DENND2B: variants seen among roughly 807,000 people sequenced by gnomAD.
DENND2B encodes DENN domain-containing protein 2B.
In DENND2B, 32 loss-of-function variants were observed where a neutral mutation model predicts 116.0. The ratio of observed to expected loss-of-function variants is 0.28; its 90% CI spans 0.21 to 0.37. DENND2B has a LOEUF of 0.37. DENND2B is among the 10% of genes least tolerant of loss of function. The probability of loss-of-function intolerance (pLI) is 1.00; values close to 1 mark genes in which losing one functional copy is unlikely to be tolerated. For missense variants in DENND2B, 1,276 were observed against 1,477.7 expected (o/e 0.86, Z 2.24); for synonymous variants, 588 against 583.9 (o/e 1.01, Z -0.10).
intron 1 of DENND2B, among the ~76,000 whole-genome samples, chr11:8,772,144 C>CACACAG (rs1555183501): frequency 6.6e-6 from 1 of 151,694 alleles, no homozygotes; most frequent in East Asian, 1.9e-4. Context: ...CACACACACA[C>CACACAG]ACACACACAC....
At chr11:8,823,921 GA>G (rs1048105757) in intron 4 of DENND2B, among the ~76,000 whole-genome samples, 1 of 84,210 alleles carries the variant, frequency 1.2e-5, no homozygotes, top group African/African-American at 5.1e-5. Flanking sequence ...TTTTTTTTTT[GA>G]GATGGAGTCT....
chr11:8,795,654 T>C (rs529546723), intron 1 of DENND2B, among the ~76,000 whole-genome samples: 1 of 152,284 alleles, frequency 6.6e-6, no homozygotes, highest in African/African-American at 2.4e-5. Context: ...GCCAATAAAA[T>C]AGGCAAGTTT....
intron 3 of DENND2B, among the ~76,000 whole-genome samples, chr11:8,845,882 C>T (rs1038517678): frequency 5.9e-5 from 9 of 152,184 alleles, no homozygotes; most frequent in African/African-American, 2.2e-4. Flanking sequence ...AGACTGAAGA[C>T]AGCCTAAATG....
At chr11:8,870,505 GTGTA>G (rs920589844) in intron 2 of DENND2B, among the ~76,000 whole-genome samples, 2 of 134,420 alleles carry the variant, frequency 1.5e-5, no homozygotes, top group Non-Finnish European at 3.4e-5. Flanking sequence ...TGTTGTGCGT[GTGTA>G]TGTGTGTGTG....
At chr11:8,891,686 G>A (rs2064034903) in intron 1 of DENND2B, among the ~76,000 whole-genome samples, 1 of 152,156 alleles carries the variant, frequency 6.6e-6, no homozygotes, top group South Asian at 2.1e-4. Context: ...AACAAGAAGA[G>A]CTAACTATCC....
chr11:8,863,516 AGCCACTGCGCCCGGCCT>A (rs1385369115), intron 2 of DENND2B, among the ~76,000 whole-genome samples: 11 of 152,110 alleles, frequency 7.2e-5, no homozygotes, highest in Non-Finnish European at 1.6e-4. Flanking sequence ...TACAGGCGTC[AGCCACTGCGCCCGGCCT>A]GCCTCTTACG....
At chr11:8,863,565 T>G (rs1419897624) in intron 2 of DENND2B, among the ~76,000 whole-genome samples, 2 of 152,126 alleles carry the variant, frequency 1.3e-5, no homozygotes, top group East Asian at 3.9e-4. Context: ...GCAAACACTG[T>G]GGTCCTGAGT....
chr11:8,722,270 A>G (rs2046318812), intron 4 of DENND2B, among the ~76,000 whole-genome samples: 1 of 152,224 alleles, frequency 6.6e-6, no homozygotes, highest in Non-Finnish European at 1.5e-5. Flanking sequence ...ACAGACAGAC[A>G]TGTTTGTCTT....
At chr11:8,745,121 T>C (rs765510072) in intron 2 of DENND2B, among the ~76,000 whole-genome samples, 2 of 152,092 alleles carry the variant, frequency 1.3e-5, no homozygotes, top group African/African-American at 4.8e-5. Context: ...TTCACTATGT[T>C]GTTGCCCAGG....
At chr11:8,871,827 G>A (rs1383146290), upstream of DENND2B, among the ~76,000 whole-genome samples, 1 of 152,204 alleles carries the variant, frequency 6.6e-6, no homozygotes, top group Non-Finnish European at 1.5e-5. Context: ...TTTATTAGTG[G>A]AATTTGAAGG....
intron 4 of DENND2B, among the ~76,000 whole-genome samples, chr11:8,825,666 A>C (rs1043490340): frequency 1.3e-5 from 2 of 152,074 alleles, no homozygotes; most frequent in Non-Finnish European, 2.9e-5. Context: ...TCAGAGAGAA[A>C]AGCCTCCACA....
At chr11:8,862,726 G>A (rs551401914) in intron 2 of DENND2B, among the ~76,000 whole-genome samples, 114 of 152,198 alleles carry the variant, frequency 7.5e-4, no homozygotes, top group Admixed American at 1.1e-3. Flanking sequence ...CACACGCCTA[G>A]CCTGGGTGAT....
intron 1 of DENND2B, among the ~76,000 whole-genome samples, chr11:8,775,833 G>A (rs1402266259): frequency 3.3e-5 from 5 of 152,140 alleles, no homozygotes; most frequent in African/African-American, 7.2e-5. Flanking sequence ...TCCAGTGCCA[G>A]CCCATAGGAG....
chr11:8,694,797 C>T (rs970330414), intron 19 of DENND2B: 10 of 336,770 alleles, frequency 3.0e-5, no homozygotes, highest in East Asian at 2.6e-4. Context: ...TGGTGGCTAA[C>T]GCCTATAATC....
At chr11:8,859,097 C>T (rs1388365636) in intron 2 of DENND2B, among the ~76,000 whole-genome samples, 4 of 152,306 alleles carry the variant, frequency 2.6e-5, no homozygotes, top group South Asian at 2.1e-4. Flanking sequence ...TAAGCCTGCA[C>T]GTCCTAAACC....
At chr11:8,861,170 A>AAAAT (rs1429732130) in intron 2 of DENND2B, among the ~76,000 whole-genome samples, 1 of 152,190 alleles carries the variant, frequency 6.6e-6, no homozygotes, top group African/African-American at 2.4e-5. Context: ...TGTAACAACA[A>AAAAT]AAATAAATAA....
At chr11:8,735,498 G>A (rs1565783178) in intron 2 of DENND2B, among the ~76,000 whole-genome samples, 1 of 152,366 alleles carries the variant, frequency 6.6e-6, no homozygotes, top group Non-Finnish European at 1.5e-5. Flanking sequence ...CACGGCAGCA[G>A]TAAAAAGATG....
intron 3 of DENND2B, among the ~76,000 whole-genome samples, chr11:8,846,113 C>T (rs991691920): frequency 6.6e-6 from 1 of 152,158 alleles, no homozygotes; most frequent in Non-Finnish European, 1.5e-5. Flanking sequence ...GCAACACAGA[C>T]AGGGACGTGC....
At chr11:8,767,835 G>A (rs764307520) in intron 1 of DENND2B, among the ~76,000 whole-genome samples, 5 of 152,104 alleles carry the variant, frequency 3.3e-5, no homozygotes, top group Non-Finnish European at 5.9e-5. Context: ...TGACTAAAAA[G>A]TTTAAAACTG....
Sources: gnomAD v4.1 joint callset for allele counts (sites outside exome capture counted in the v4.1 genomes callset) on GRCh38, gnomAD v4.1.1 for gene constraint, MANE v1.5 for transcripts, NCBI Gene and HGNC (gene_info 2026-07-23, HGNC 2026-07-21) for gene names.